Variants in DCAF5 observed in about 807,000 individuals in gnomAD.
The protein encoded by DCAF5 is DDB1- and CUL4-associated factor 5.
Under a neutral mutation model 80.7 loss-of-function variants are expected in DCAF5, and 9 were observed. That is an observed-to-expected ratio of 0.11 (90% CI 0.07 to 0.19). DCAF5 has a LOEUF of 0.19. DCAF5 is among the 10% of genes least tolerant of loss of function. DCAF5 has a pLI of 1.00. For synonymous variants in DCAF5, 433 were observed against 461.9 expected, an observed-to-expected ratio of 0.94 and a Z score of 0.80; for missense variants, 842 against 1,205.7, an observed-to-expected ratio of 0.70 and a Z score of 4.47.
At position 69,054,599 on chromosome 14, in the gene DCAF5, G is replaced by C. The variant is rs145094673; in HGVS notation, c.2087C>G (p.Thr696Ser). 2.8e-5 allele frequency: 45 copies of C among 1,614,058 alleles called. No homozygotes were observed. The highest frequency in any genetic ancestry group is 3.5e-5 in the Non-Finnish European group (41 of 1,180,018). The part of the protein sequence containing the change: ...TGEADEGRAG[T>S]SHKDNPAPSS... Reference sequence around the variant, plus strand: ...AGGGGCTGGGTTGTCTTTGTGGCTGGTTCCTGCTCTCCCTTCATCTGCCTC... The same window carrying C: ...AGGGGCTGGGTTGTCTTTGTGGCTGCTTCCTGCTCTCCCTTCATCTGCCTC... The change falls in exon 9 of 9, where the codon ACC becomes AGC. Residue 696 changes from threonine to serine, a missense_variant. By Grantham distance (58) the Thr-to-Ser change is moderately conservative. Coordinates refer to ENST00000341516, the MANE Select transcript of DCAF5 (RefSeq NM_003861.3).
chr14:69,137,199 C>T (rs1379570610), intron 1 of DCAF5, among the ~76,000 whole-genome samples: 1 of 152,044 alleles, frequency 6.6e-6, no homozygotes, highest in African/African-American at 2.4e-5. Flanking sequence ...ATTAGTGACA[C>T]GTCAAAGAAT....
chr14:69,060,973 C>T (rs1283621638), intron 8 of DCAF5, among the ~76,000 whole-genome samples: 1 of 151,184 alleles, frequency 6.6e-6, no homozygotes, highest in Non-Finnish European at 1.5e-5. Flanking sequence ...TCTGAAAACT[C>T]TCAGGTTTTC....
At chr14:69,138,977 C>A (rs1052693874) in intron 1 of DCAF5, among the ~76,000 whole-genome samples, 7 of 152,090 alleles carry the variant, frequency 4.6e-5, no homozygotes, top group Admixed American at 4.6e-4. Flanking sequence ...AAGACCCCGT[C>A]TTTAGAAAAA....
chr14:69,083,754 T>C (rs1407771903), intron 6 of DCAF5: 2 of 672,110 alleles, frequency 3.0e-6, no homozygotes, highest in Non-Finnish European at 5.5e-6. Context: ...CTGAGTCTGA[T>C]ACAAAAAAAG....
intron 6 of DCAF5, among the ~76,000 whole-genome samples, chr14:69,087,855 C>T (rs1282126424): frequency 1.3e-5 from 2 of 152,192 alleles, no homozygotes; most frequent in African/African-American, 2.4e-5. Context: ...GAGTTAGTGA[C>T]AGACCATGGC....
rs1461116412 is a variant in DCAF5 at position 69,138,995 on chromosome 14, T to TA, written c.214+13769dup. 4.6e-5 allele frequency among the ~76,000 whole-genome samples: 7 copies of TA among 151,476 alleles called. No homozygotes were observed. The East Asian group carries it at 1.4e-3, about 29-fold the overall frequency. On this transcript the variant is annotated intron_variant, in intron 1 of 8. Coordinates refer to ENST00000341516, the MANE Select transcript of DCAF5 (RefSeq NM_003861.3). ...ACCCCGTCTTTAGAAAAAATAAATT[T>TA]AAAAAATTAGTCAGGTGTGATGGCA...
At position 69,118,300 on chromosome 14, in the gene DCAF5, C is replaced by T. The variant is rs1433623123; in HGVS notation, c.396-22G>A. 1 of 1,612,608 alleles carries T rather than the reference C, an allele frequency of 6.2e-7. No individual in the cohort carries two copies. The highest frequency in any genetic ancestry group is 2.2e-5 in the East Asian group (1 of 44,856). Reference sequence around the variant, plus strand: ...ACTGCTGGGAGATAAGAGAGCAAGACAGAGGCACACACATACACACAAGCA... The same window carrying T: ...ACTGCTGGGAGATAAGAGAGCAAGATAGAGGCACACACATACACACAAGCA... On this transcript the variant is annotated intron_variant, in intron 3 of 8. Transcript: ENST00000341516. The surrounding 1 kb of genome is among the most constrained non-coding windows in gnomAD (Gnocchi z 4.0).
intron 7 of DCAF5, among the ~76,000 whole-genome samples, chr14:69,063,501 T>C (rs981413824): frequency 2.0e-5 from 3 of 152,216 alleles, no homozygotes; most frequent in African/African-American, 7.2e-5. Flanking sequence ...TGAGTGTTCA[T>C]TTATCTACTC....
At chr14:69,093,340 T>C (rs1322860416) in intron 5 of DCAF5, among the ~76,000 whole-genome samples, 1 of 152,162 alleles carries the variant, frequency 6.6e-6, no homozygotes, top group Admixed American at 6.5e-5. Flanking sequence ...CCAGTAGTTT[T>C]AGAGAAAAAA....
chr14:69,102,347 G>C (rs2039983806), intron 5 of DCAF5, among the ~76,000 whole-genome samples: 1 of 151,752 alleles, frequency 6.6e-6, no homozygotes, highest in Non-Finnish European at 1.5e-5. Flanking sequence ...GACCTCAAGT[G>C]ATCCCTGCCT....
chr14:69,053,946 G>C lies in DCAF5; in HGVS notation c.2740C>G (p.His914Asp). The C allele has an allele frequency of 1.9e-6, 3 of 1,613,126 alleles. No homozygotes were observed. Among genetic ancestry groups the C allele is most frequent in the Non-Finnish European group, 2.5e-6 (3 of 1,179,716 alleles). The change falls in exon 9 of 9, where the codon CAT becomes GAT. Residue 914 changes from histidine (H) to aspartate (D), a missense_variant. Physicochemically the swap from His to Asp is moderately conservative, Grantham distance 81. This residue lies in a region of DCAF5 where 607 missense variants were observed against 656.6 expected (regional missense o/e 0.92). Transcript: ENST00000341516. ...TPATDSSRAVHGHSGLKRQRI... is the reference protein window; with the variant it reads ...TPATDSSRAVDGHSGLKRQRI... ...TGCCTTTTGAGGCCACTGTGGCCAT[G>C]AACAGCCCTGCTACTATCTGTGGCT...
chr14:69,149,384 C>A (rs995231082), intron 1 of DCAF5: 1 of 152,174 alleles, frequency 6.6e-6, no homozygotes, highest in Non-Finnish European at 1.5e-5. Flanking sequence ...GTCAAATAAC[C>A]ATTTCTCCAC....
rs1309491268 is a variant in DCAF5 at position 69,107,380 on chromosome 14, AT to A, written c.665+8985del. ...GCTTCCATCTTGTAAGACCAACAAAATTGCTAAATCACCTTGGGTATTTGCT... is the reference window on the plus strand; with the variant it reads ...GCTTCCATCTTGTAAGACCAACAAAATGCTAAATCACCTTGGGTATTTGCT... On this transcript the variant is annotated intron_variant, in intron 5 of 8. Coordinates refer to ENST00000341516, the MANE Select transcript of DCAF5 (RefSeq NM_003861.3). Among the ~76,000 whole-genome samples, 6 of 152,296 alleles carry A rather than the reference AT, an allele frequency of 3.9e-5. No homozygotes were observed. In the East Asian group the frequency reaches 1.2e-3, roughly 29 times the overall value.
intron 1 of DCAF5, among the ~76,000 whole-genome samples, chr14:69,126,363 G>A (rs1385427887): frequency 6.6e-6 from 1 of 151,930 alleles, no homozygotes; most frequent in African/African-American, 2.4e-5. Context: ...CACCATGTTG[G>A]CCAGGCTGGT....
Position 69,152,061 on chromosome 14 carries a change from C to G in DCAF5, c.214+704G>C, listed in dbSNP as rs1205032435. 6.6e-6 allele frequency among the ~76,000 whole-genome samples: 1 copy of G among 152,198 alleles called. No individual in the cohort carries two copies. The highest frequency in any genetic ancestry group is 1.9e-4 in the East Asian group (1 of 5,182). On this transcript the variant is annotated intron_variant, in intron 1 of 8. Transcript: ENST00000341516. This position sits in a 1 kb window ranked among gnomAD's most constrained non-coding sequence, Gnocchi z 4.1. ...CCGCCTGCCTCGCAAGTTGCGCATT[C>G]AAGTTCAGGCTGGTGCCCTTTAGCC... is the stretch of plus-strand genomic sequence containing the variant.
intron 1 of DCAF5, among the ~76,000 whole-genome samples, chr14:69,136,350 G>C (rs1321064353): frequency 6.6e-6 from 1 of 151,842 alleles, no homozygotes; most frequent in Admixed American, 6.6e-5. Context: ...TCCTGGACTA[G>C]AGCAATCCTC....
intron 1 of DCAF5, among the ~76,000 whole-genome samples, chr14:69,146,617 T>TTAAAAGGTCATGAAATG (rs1273786062): frequency 6.6e-6 from 1 of 152,182 alleles, no homozygotes; most frequent in Admixed American, 6.5e-5. Context: ...GGGATATCTT[T>TTAAAAGGTCATGAAATG]TAAAAGGTCA....
intron 1 of DCAF5, among the ~76,000 whole-genome samples, chr14:69,138,478 A>C (rs1045129992): frequency 2.0e-5 from 3 of 152,184 alleles, no homozygotes; most frequent in African/African-American, 7.2e-5. Flanking sequence ...AATCAAAACC[A>C]TGTTCAGGGG....
At chr14:69,086,178 A>G (rs1415281384) in intron 6 of DCAF5, among the ~76,000 whole-genome samples, 1 of 152,010 alleles carries the variant, frequency 6.6e-6, no homozygotes, top group African/African-American at 2.4e-5. Context: ...CCAACATGAC[A>G]AAACCCCGCC....
Sources: allele counts gnomAD v4.1 joint callset (sites outside exome capture counted in the v4.1 genomes callset), GRCh38; gene constraint gnomAD v4.1.1; regional missense constraint gnomAD v4.1.1; non-coding constraint Gnocchi (gnomAD v3.1); transcripts MANE v1.5; gene names NCBI Gene and HGNC (gene_info 2026-07-23, HGNC 2026-07-21).